Variants in GRIA4 observed in about 807,000 individuals in gnomAD.
The protein encoded by GRIA4 is glutamate receptor 4.
GRIA4 carries 34 observed loss-of-function variants against 104.0 expected under a neutral mutation model. The ratio of observed to expected loss-of-function variants is 0.33; its 90% CI spans 0.25 to 0.44. The LOEUF is 0.44. Among genes scored for constraint, GRIA4 ranks in the 20% least tolerant of loss-of-function variants. The pLI is 1.00. For synonymous variants in GRIA4, 386 were observed against 381.9 expected, an observed-to-expected ratio of 1.01 and a Z score of -0.13; for missense variants, 750 against 1,096.5, an observed-to-expected ratio of 0.68 and a Z score of 4.46.
intron 4 of GRIA4, among the ~76,000 whole-genome samples, chr11:105,755,249 C>T (rs1565520248): frequency 6.6e-6 from 1 of 151,050 alleles, no homozygotes; most frequent in Non-Finnish European, 1.5e-5. Context: ...AATCCTCTTG[C>T]AAAAAAAATG....
At chr11:105,843,609 C>T (rs1368076158) in intron 4 of GRIA4, among the ~76,000 whole-genome samples, 1 of 152,180 alleles carries the variant, frequency 6.6e-6, no homozygotes, top group Non-Finnish European at 1.5e-5. Context: ...CAACATCTCA[C>T]AAACACTGGA....
At chr11:105,890,380 A>G (rs528149724) in intron 6 of GRIA4, among the ~76,000 whole-genome samples, 3 of 152,342 alleles carry the variant, frequency 2.0e-5, no homozygotes, top group South Asian at 4.1e-4. Context: ...GCTGAAATAC[A>G]GAAAGCAGAT....
At chr11:105,845,669 G>C (rs765189992) in intron 4 of GRIA4, among the ~76,000 whole-genome samples, 1 of 152,158 alleles carries the variant, frequency 6.6e-6, no homozygotes, top group African/African-American at 2.4e-5. Context: ...AGATCGCGAG[G>C]TCAGGAGATA....
rs145138546 is a variant in GRIA4, at chr11:105,640,249, A to T, written c.247+27815A>T. On this transcript the variant is annotated intron_variant, in intron 3 of 16. Coordinates refer to ENST00000282499, the MANE Select transcript of GRIA4 (RefSeq NM_000829.4). ...ATTTCAAAGCCCAAAAATGCAAAAC[A>T]AGAAAATTAATTTTAAAATCTCATA... is the stretch of plus-strand genomic sequence containing the variant. Among the ~76,000 whole-genome samples, 723 of 152,040 alleles carry T rather than the reference A, an allele frequency of 4.8e-3. 5 individuals are homozygous for T. The Middle Eastern group carries it at 0.054, about 11-fold the overall frequency.
chr11:105,914,441 T>C (rs539142300), intron 10 of GRIA4, among the ~76,000 whole-genome samples: 82 of 152,268 alleles, frequency 5.4e-4, no homozygotes, highest in African/African-American at 1.9e-3. Flanking sequence ...GAAGCCTTTC[T>C]AATAAATATT....
intron 3 of GRIA4, among the ~76,000 whole-genome samples, chr11:105,650,413 C>A (rs1029619426): frequency 2.6e-5 from 4 of 151,882 alleles, no homozygotes; most frequent in African/African-American, 7.3e-5. Context: ...ATAATTAGAG[C>A]AGCTCTCTGA....
chr11:105,640,715 G>A (rs1481541881), intron 3 of GRIA4, among the ~76,000 whole-genome samples: 1 of 151,824 alleles, frequency 6.6e-6, no homozygotes, highest in African/African-American at 2.4e-5. Flanking sequence ...GACATTTACT[G>A]TGAAATTGCT....
intron 7 of GRIA4, among the ~76,000 whole-genome samples, chr11:105,901,929 T>A (rs1024960598): frequency 3.3e-5 from 5 of 152,240 alleles, no homozygotes; most frequent in Non-Finnish European, 5.9e-5. Flanking sequence ...TCATTTTATT[T>A]CTCGTTTTTA....
At position 105,908,105 on chromosome 11, in the gene GRIA4, C is replaced by T. The variant is rs78979528; in HGVS notation, c.1159-2330C>T. ...CTTTGAGTAGAACAGGAGCTCCTCA[C>T]AGCCGCTCAGTCCCTATCTGTTCTC... On this transcript the variant is annotated intron_variant, in intron 9 of 16. Transcript: ENST00000282499. Among the ~76,000 whole-genome samples, 1,233 of 152,276 alleles carry T rather than the reference C, an allele frequency of 8.1e-3. 21 individuals carry two copies. Among genetic ancestry groups the T allele is most frequent in the African/African-American group, 0.028 (1,183 of 41,550 alleles).
chr11:105,847,725 A>G (rs1020070005), intron 4 of GRIA4, among the ~76,000 whole-genome samples: 1 of 152,210 alleles, frequency 6.6e-6, no homozygotes, highest in Non-Finnish European at 1.5e-5. Flanking sequence ...GCAACTTTGG[A>G]TCTGTCAGGT....
intron 4 of GRIA4, among the ~76,000 whole-genome samples, chr11:105,793,449 C>G (rs574424432): frequency 1.3e-5 from 2 of 152,234 alleles, no homozygotes; most frequent in South Asian, 2.1e-4. Flanking sequence ...CATAGAATCC[C>G]ACAGCAGGGA....
chr11:105,731,812 G>A (rs952685761), intron 3 of GRIA4, among the ~76,000 whole-genome samples: 3 of 152,046 alleles, frequency 2.0e-5, no homozygotes, highest in Non-Finnish European at 2.9e-5. Context: ...TCACTCATAA[G>A]TGGGAGTTGA....
chr11:105,921,002 C>G (rs1947543012), intron 11 of GRIA4, among the ~76,000 whole-genome samples: 1 of 152,150 alleles, frequency 6.6e-6, no homozygotes, highest in South Asian at 2.1e-4. Flanking sequence ...AAACTAAATC[C>G]ATTCTCTTCT....
intron 4 of GRIA4, among the ~76,000 whole-genome samples, chr11:105,761,806 A>C (rs1416870747): frequency 1.3e-5 from 2 of 152,234 alleles, no homozygotes; most frequent in Admixed American, 1.3e-4. Context: ...GCAGTGGGTC[A>C]GATTTTGCCC....
intron 3 of GRIA4, among the ~76,000 whole-genome samples, chr11:105,632,791 A>G (rs1202855812): frequency 6.6e-6 from 1 of 152,210 alleles, no homozygotes; most frequent in Non-Finnish European, 1.5e-5. Flanking sequence ...ATAATTAAAA[A>G]GAAAGAAAAA....
chr11:105,868,683 A>T (rs1381993236), intron 5 of GRIA4, among the ~76,000 whole-genome samples: 1 of 152,144 alleles, frequency 6.6e-6, no homozygotes, highest in Non-Finnish European at 1.5e-5. Context: ...AAAAAGCAAG[A>T]GTTTTATTTC....
chr11:105,960,878 C>T (rs559000305), intron 14 of GRIA4, among the ~76,000 whole-genome samples: 27 of 152,262 alleles, frequency 1.8e-4, no homozygotes, highest in African/African-American at 5.3e-4. Flanking sequence ...GGAGGTTCCC[C>T]TTCCCGGTGT....
At chr11:105,685,162 G>T (rs1347521627) in intron 3 of GRIA4, among the ~76,000 whole-genome samples, 1 of 130,826 alleles carries the variant, frequency 7.6e-6, no homozygotes, top group Non-Finnish European at 1.6e-5. Flanking sequence ...AGGGAGGAAG[G>T]AAGGGAGGGA....
At chr11:105,814,848 T>C (rs1233217530) in intron 4 of GRIA4, among the ~76,000 whole-genome samples, 2 of 152,102 alleles carry the variant, frequency 1.3e-5, no homozygotes, top group African/African-American at 4.8e-5. Context: ...TCATGGAGAA[T>C]CCTTACCAAA....
Sources: allele counts gnomAD v4.1 joint callset (sites outside exome capture counted in the v4.1 genomes callset), GRCh38; gene constraint gnomAD v4.1.1; transcripts MANE v1.5; gene names NCBI Gene and HGNC (gene_info 2026-07-23, HGNC 2026-07-21).